Variants in BLTP3B observed in about 807,000 individuals in gnomAD.
The protein encoded by BLTP3B is bridge-like lipid transfer protein family member 3B, also known as UHRF1 (ICBP90) binding protein 1-like.
the BLTP3B span, among the ~76,000 whole-genome samples, chr12:100,102,110 C>CT: frequency 0.069 from 9,349 of 135,064 alleles, 381 homozygotes; most frequent in Middle Eastern, 0.094. Flanking sequence ...CAACTTAACT[C>CT]TTTTTTTTTT....
At chr12:100,142,401 G>A in the BLTP3B span, among the ~76,000 whole-genome samples, 2 of 152,148 alleles carry the variant, frequency 1.3e-5, no homozygotes, top group African/African-American at 4.8e-5. Context: ...GGGCCGATTC[G>A]TGAGGCCAGC....
At chr12:100,095,595 C>A in the BLTP3B span, 1 of 1,529,654 alleles carries the variant, frequency 6.5e-7, no homozygotes, top group Non-Finnish European at 8.8e-7. Flanking sequence ...AAGAAAATAC[C>A]AACAATTCCT....
the BLTP3B span, among the ~76,000 whole-genome samples, chr12:100,087,062 G>A: frequency 6.6e-6 from 1 of 150,862 alleles, no homozygotes; most frequent in Non-Finnish European, 1.5e-5. Flanking sequence ...GGGAGGCTGA[G>A]GCAGGAGAAT....
chr12:100,091,797 G>A, the BLTP3B span, among the ~76,000 whole-genome samples: 1,150 of 149,298 alleles, frequency 7.7e-3, 15 homozygotes, highest in African/African-American at 0.027. Context: ...GAGCCACCTC[G>A]CCTGGCCAAA....
At chr12:100,047,569 C>T in the BLTP3B span, 12 of 1,613,286 alleles carry the variant, frequency 7.4e-6, no homozygotes, top group Non-Finnish European at 1.0e-5. Context: ...CTCTCTACCA[C>T]AAGATGATCA....
chr12:100,046,899 T>TA, the BLTP3B span, among the ~76,000 whole-genome samples: 1 of 151,950 alleles, frequency 6.6e-6, no homozygotes, highest in African/African-American at 2.4e-5. Context: ...ATAAGGAGTA[T>TA]AAGTAGGAAA....
At chr12:100,058,666 G>C in the BLTP3B span, 1 of 1,614,084 alleles carries the variant, frequency 6.2e-7, no homozygotes, top group Non-Finnish European at 8.5e-7. Flanking sequence ...TGGAGCAAAA[G>C]AGCCAGTTCT....
chr12:100,085,829 A>C, the BLTP3B span, among the ~76,000 whole-genome samples: 1 of 152,108 alleles, frequency 6.6e-6, no homozygotes, highest in Non-Finnish European at 1.5e-5. Flanking sequence ...GAAATCTGGA[A>C]TCCTATAATT....
the BLTP3B span, among the ~76,000 whole-genome samples, chr12:100,044,142 T>C: frequency 6.6e-6 from 1 of 152,140 alleles, no homozygotes; most frequent in African/African-American, 2.4e-5. Context: ...AGCTAACACA[T>C]TTGGGAAAGA....
chr12:100,086,321 G>C, the BLTP3B span: 125 of 1,343,856 alleles, frequency 9.3e-5, 1 homozygote, highest in Non-Finnish European at 6.0e-6. Flanking sequence ...GTGTAAAAGA[G>C]AGTTGCATTG....
At chr12:100,124,919 C>G in the BLTP3B span, among the ~76,000 whole-genome samples, 1 of 84,060 alleles carries the variant, frequency 1.2e-5, no homozygotes, top group East Asian at 4.7e-4. Context: ...GAGACCCTGC[C>G]TTAAAAAAAA....
chr12:100,098,370 C>A, the BLTP3B span: 2 of 1,603,496 alleles, frequency 1.2e-6, no homozygotes, highest in Non-Finnish European at 1.7e-6. Flanking sequence ...TCTGTGGATC[C>A]TGAATACGAG....
chr12:100,125,124 G>A, the BLTP3B span, among the ~76,000 whole-genome samples: 2 of 149,438 alleles, frequency 1.3e-5, no homozygotes, highest in African/African-American at 4.9e-5. Context: ...CCGAGGTCAG[G>A]AGTTCCAGAT....
chr12:100,116,448 CAAAAAAAAAAA>C, the BLTP3B span, among the ~76,000 whole-genome samples: 1 of 56,002 alleles, frequency 1.8e-5, no homozygotes, highest in East Asian at 5.9e-4. Flanking sequence ...GATCCTGTCT[CAAAAAAAAAAA>C]AAAAAAAGAA....
chr12:100,107,108 T>C, the BLTP3B span, among the ~76,000 whole-genome samples: 3 of 151,694 alleles, frequency 2.0e-5, no homozygotes, highest in Non-Finnish European at 2.9e-5. Flanking sequence ...GCCAACAGGA[T>C]GAAACCCCAT....
At chr12:100,111,807 T>C in the BLTP3B span, among the ~76,000 whole-genome samples, 3 of 152,022 alleles carry the variant, frequency 2.0e-5, no homozygotes, top group African/African-American at 7.2e-5. Context: ...GGTTTCACCA[T>C]GTTGGTCAGG....
At chr12:100,083,404 A>C in the BLTP3B span, among the ~76,000 whole-genome samples, 2 of 152,164 alleles carry the variant, frequency 1.3e-5, no homozygotes, top group African/African-American at 2.4e-5. Flanking sequence ...ACATATTTAC[A>C]TAGAAGTAGA....
chr12:100,039,595 CCTGTTCCCTAGTG>C, the BLTP3B span: 1 of 1,611,168 alleles, frequency 6.2e-7, no homozygotes, highest in Non-Finnish European at 8.5e-7. Flanking sequence ...TTTCCCATTA[CCTGTTCCCTAGTG>C]AAGTCAAAGG....
At chr12:100,105,362 A>G in the BLTP3B span, among the ~76,000 whole-genome samples, 1 of 151,528 alleles carries the variant, frequency 6.6e-6, no homozygotes, top group African/African-American at 2.4e-5. Context: ...AATGGAACAG[A>G]ATAGAGAACC....
Sources: gnomAD v4.1 joint callset for allele counts (sites outside exome capture counted in the v4.1 genomes callset) on GRCh38, gnomAD v4.1.1 for gene constraint, MANE v1.5 for transcripts, NCBI Gene and HGNC (gene_info 2026-07-23, HGNC 2026-07-21) for gene names.